The following GRIK3 variants were observed in gnomAD, a reference collection of about 807,000 sequenced individuals.
The protein encoded by GRIK3 is glutamate ionotropic receptor kainate type subunit 3, also known as glutamate receptor ionotropic, kainate 3.
Under a neutral mutation model 102.5 loss-of-function variants are expected in GRIK3, and 29 were observed. The observed-to-expected ratio is 0.28, with a 90% confidence interval of 0.21 to 0.39. The LOEUF is 0.39. GRIK3 is among the 10% of genes least tolerant of loss of function. The probability of loss-of-function intolerance (pLI) is 1.00; values close to 1 mark genes in which losing one functional copy is unlikely to be tolerated. For synonymous variants in GRIK3, 511 were observed against 504.9 expected, an observed-to-expected ratio of 1.01 and a Z score of -0.16; for missense variants, 908 against 1,252.4, an observed-to-expected ratio of 0.73 and a Z score of 4.15.
At chr1:36,942,590 C>T (rs759577095) in intron 1 of GRIK3, among the ~76,000 whole-genome samples, 4 of 151,188 alleles carry the variant, frequency 2.6e-5, no homozygotes, top group Admixed American at 1.3e-4. Flanking sequence ...ACCCTTTGAC[C>T]GCAGGTGGAG....
chr1:37,021,622 C>T (rs184177074), intron 1 of GRIK3, among the ~76,000 whole-genome samples: 60 of 152,288 alleles, frequency 3.9e-4, no homozygotes, highest in Admixed American at 9.8e-4. Context: ...AGACGGCTGT[C>T]ACCTCTATTA....
chr1:36,926,918 A>G (rs2133908), intron 1 of GRIK3, among the ~76,000 whole-genome samples: 126,794 of 152,144 alleles, frequency 0.83, 53,488 homozygotes, highest in Admixed American at 0.9. Context: ...GTAACATGCC[A>G]AAGAAGTGAC....
In GRIK3 at chr1:36,902,313, C is replaced by T. The variant is rs147670918; in HGVS notation, c.116-11217G>A. On this transcript the variant is annotated intron_variant, in intron 1 of 15. Transcript: ENST00000373091. ...GAAGAACAACATTGGGAGATCAACACGGCTCAACTTCAAGACTTGCTATAA... is the reference window on the plus strand; with the variant it reads ...GAAGAACAACATTGGGAGATCAACATGGCTCAACTTCAAGACTTGCTATAA... Among the ~76,000 whole-genome samples, 29 of 152,290 alleles carry T rather than the reference C, an allele frequency of 1.9e-4. 1 individual carries two copies. Among genetic ancestry groups the T allele is most frequent in the South Asian group, 4.2e-4 (2 of 4,814 alleles).
At chr1:37,017,351 T>C (rs188595744) in intron 1 of GRIK3, among the ~76,000 whole-genome samples, 27 of 98,154 alleles carry the variant, frequency 2.8e-4, no homozygotes, top group African/African-American at 1.1e-3. Context: ...CTGGGCAACA[T>C]AGTGAGACCC....
chr1:36,921,516 G>A (rs1049065535), intron 1 of GRIK3, among the ~76,000 whole-genome samples: 1 of 152,178 alleles, frequency 6.6e-6, no homozygotes, highest in African/African-American at 2.4e-5. Context: ...GTGAGATGCT[G>A]CACACACAGC....
intron 12 of GRIK3, 141 bp from the exon 13 acceptor site, chr1:36,817,418 C>T: frequency 1.6e-6 from 1 of 631,524 alleles, no homozygotes; most frequent in African/African-American, 1.8e-5. Context: ...AAGTGTGGTC[C>T]CTGGACTGGC....
intron 1 of GRIK3, among the ~76,000 whole-genome samples, chr1:36,993,837 G>C (rs754062146): frequency 8.5e-5 from 13 of 152,168 alleles, no homozygotes; most frequent in Non-Finnish European, 1.5e-4. Flanking sequence ...TGGCCCTCTT[G>C]CCCCAATACA....
Position 36,824,973 on chromosome 1 carries a change from C to T in GRIK3, c.1754+630G>A, listed in dbSNP as rs114801352. 2.0e-3 allele frequency among the ~76,000 whole-genome samples: 310 copies of T among 152,296 alleles called. 2 individuals are homozygous for T. The highest frequency in any genetic ancestry group is 6.9e-3 in the African/African-American group (286 of 41,576). On this transcript the variant is annotated intron_variant, in intron 11 of 15. Coordinates refer to ENST00000373091, the MANE Select transcript of GRIK3 (RefSeq NM_000831.4). ...GTAAAGTGCAGAGCACAGTGCTTGG[C>T]GAGCACTAGGTGTTCGCCAAACACT...
intron 1 of GRIK3, among the ~76,000 whole-genome samples, chr1:36,976,346 A>G (rs186216616): frequency 4.6e-5 from 7 of 151,778 alleles, no homozygotes; most frequent in African/African-American, 1.7e-4. Flanking sequence ...CATTCTATGC[A>G]ACTTATTATA....
intron 1 of GRIK3, among the ~76,000 whole-genome samples, chr1:36,955,862 T>C (rs998194887): frequency 3.9e-5 from 6 of 152,270 alleles, no homozygotes; most frequent in Admixed American, 1.3e-4. Context: ...GATCCCCCGC[T>C]GGCCACCAGG....
Position 36,853,047 on chromosome 1 carries a change from G to A in GRIK3, c.1212+568C>T, listed in dbSNP as rs1224513449. Among the ~76,000 whole-genome samples the A allele has an allele frequency of 2.0e-5, 3 of 152,188 alleles. No homozygotes were observed. In the East Asian group the frequency reaches 5.8e-4, roughly 29 times the overall value. On this transcript the variant is annotated intron_variant, in intron 8 of 15. Coordinates refer to ENST00000373091, the MANE Select transcript of GRIK3 (RefSeq NM_000831.4). ...GGTCCAAACTCTCTGGAATCGCAGAGGCCTTAGAAGCCCAGAGCGAAGGAG... is the reference window on the plus strand; with the variant it reads ...GGTCCAAACTCTCTGGAATCGCAGAAGCCTTAGAAGCCCAGAGCGAAGGAG...
intron 1 of GRIK3, among the ~76,000 whole-genome samples, chr1:36,900,531 T>C (rs1641223289): frequency 6.6e-6 from 1 of 152,140 alleles, no homozygotes; most frequent in Non-Finnish European, 1.5e-5. Flanking sequence ...CTTATCAAAA[T>C]TTGTGGGATG....
At chr1:36,845,096 C>G (rs1231468111) in intron 9 of GRIK3, among the ~76,000 whole-genome samples, 1 of 152,180 alleles carries the variant, frequency 6.6e-6, no homozygotes, top group Admixed American at 6.5e-5. Flanking sequence ...ACAGCCAAAG[C>G]CCAGAGCATT....
At chr1:36,965,633 C>A (rs1035634294) in intron 1 of GRIK3, among the ~76,000 whole-genome samples, 3 of 152,156 alleles carry the variant, frequency 2.0e-5, no homozygotes, top group Admixed American at 6.5e-5. Flanking sequence ...GTCATTTCTT[C>A]TCCATTTGAC....
chr1:36,882,115 G>C (rs1640988120), intron 2 of GRIK3, among the ~76,000 whole-genome samples: 1 of 152,086 alleles, frequency 6.6e-6, no homozygotes, highest in Non-Finnish European at 1.5e-5. Context: ...TTTATTAAAT[G>C]ATCACTGGAA....
Position 36,910,074 on chromosome 1 carries a change from G to T in GRIK3, c.116-18978C>A, listed in dbSNP as rs72917528. Among the ~76,000 whole-genome samples, 1,452 of 152,200 alleles carry T rather than the reference G, an allele frequency of 9.5e-3. 21 individuals carry two copies. Among genetic ancestry groups the T allele is most frequent in the African/African-American group, 0.033 (1,379 of 41,522 alleles). ...TAGGTGTCCTCTGGAACCCGTTGAG[G>T]TTTTTTCCTTTCTCTTCAATAACTC... On this transcript the variant is annotated intron_variant, in intron 1 of 15. Coordinates refer to ENST00000373091, the MANE Select transcript of GRIK3 (RefSeq NM_000831.4).
intron 1 of GRIK3, among the ~76,000 whole-genome samples, chr1:36,907,359 C>T (rs190325416): frequency 7.2e-5 from 11 of 152,166 alleles, no homozygotes; most frequent in Admixed American, 1.3e-4. Context: ...CAAAGGTGGG[C>T]GAGTCAAGTA....
chr1:36,831,369 C>T (rs1014628514), intron 10 of GRIK3, among the ~76,000 whole-genome samples: 3 of 152,230 alleles, frequency 2.0e-5, no homozygotes, highest in Non-Finnish European at 2.9e-5. Flanking sequence ...GCTGCTTCCA[C>T]AGCTGCCTAA....
chr1:36,828,559 T>C (rs1005227689), intron 10 of GRIK3, among the ~76,000 whole-genome samples: 11 of 152,310 alleles, frequency 7.2e-5, no homozygotes, highest in South Asian at 2.1e-4. Context: ...CACTATCATC[T>C]AGGTGTGTGG....
Sources: gnomAD v4.1 joint callset for allele counts (sites outside exome capture counted in the v4.1 genomes callset) on GRCh38, gnomAD v4.1.1 for gene constraint, MANE v1.5 for transcripts, NCBI Gene and HGNC (gene_info 2026-07-23, HGNC 2026-07-21) for gene names.